Variants in GGT1 observed in about 807,000 individuals in gnomAD.
GGT1 encodes the protein gamma-glutamyltransferase 1, also known as glutathione hydrolase 1 proenzyme.
In GGT1, 21 loss-of-function variants were observed where a neutral mutation model predicts 56.0. The ratio of observed to expected loss-of-function variants is 0.38; its 90% CI spans 0.27 to 0.54. The LOEUF (loss-of-function observed/expected upper bound fraction) is 0.54. Ranked by LOEUF, GGT1 falls within the 20% of genes least tolerant of loss-of-function variation. The pLI is 0.82. For missense variants in GGT1, 466 were observed against 787.0 expected, an observed-to-expected ratio of 0.59 and a Z score of 4.88; for synonymous variants, 238 against 342.6, an observed-to-expected ratio of 0.69 and a Z score of 3.37.
At chr22:24,617,353 T>G (rs1364722533) in intron 7 of GGT1, among the ~76,000 whole-genome samples, 1 of 152,148 alleles carries the variant, frequency 6.6e-6, no homozygotes, top group Non-Finnish European at 1.5e-5. Flanking sequence ...AAGCCTCTGC[T>G]TCCTGTCTGA....
upstream of GGT1, among the ~76,000 whole-genome samples, chr22:24,600,663 C>T (rs5751902): frequency 0.3 from 45,379 of 152,194 alleles, 7,962 homozygotes; most frequent in South Asian, 0.41. Context: ...TGCTGACCTC[C>T]CTCCATCACA....
Position 24,623,240 on chromosome 22 carries a change from C to T in GGT1, c.867C>T (p.Ile289=). 6.3e-7 allele frequency: 1 copy of T among 1,581,754 alleles called. No individual in the cohort carries two copies. Among genetic ancestry groups the T allele is most frequent in the Non-Finnish European group, 8.6e-7 (1 of 1,163,640 alleles). The change falls in exon 10 of 16, where the codon ATC becomes ATT. Residue 289 remains isoleucine (I), a synonymous_variant. Transcript: ENST00000400382. ...TCAGCGGGCCCGTGCTGGCCCTCAT[C>T]CTCAACATCCTCAAAGGTGAGTGGT... ...APLSGPVLAL[I]LNILKGYNFS...
At chr22:24,598,928 T>TA (rs1156866405), upstream of GGT1, among the ~76,000 whole-genome samples, 1 of 151,842 alleles carries the variant, frequency 6.6e-6, no homozygotes, top group Non-Finnish European at 1.5e-5. Context: ...GGGCCTTTTT[T>TA]AAAAAAATTA....
chr22:24,585,539 C>A, the GGT1 span: 1 of 321,584 alleles, frequency 3.1e-6, no homozygotes, highest in Admixed American at 4.7e-5. Flanking sequence ...GACCTTTGTC[C>A]CACCCTTTTG....
At chr22:24,588,833 G>A in the GGT1 span, 6 of 1,012,748 alleles carry the variant, frequency 5.9e-6, no homozygotes, top group Non-Finnish European at 7.1e-6. Context: ...GGCTGACAGG[G>A]CTGGGGGATG....
intron 11 of GGT1, among the ~76,000 whole-genome samples, chr22:24,626,488 C>T (rs1417732068): frequency 2.0e-5 from 3 of 148,974 alleles, no homozygotes; most frequent in Non-Finnish European, 4.4e-5. Context: ...GCCCGTGAAC[C>T]CATGCTTATT....
At position 24,611,133 on chromosome 22, in the gene GGT1, G is replaced by C. The variant is rs1601683602; in HGVS notation, c.52G>C (p.Val18Leu). ...LGLLAVVLVL[V>L]IVGLCLWLPS... Reference sequence around the variant, plus strand: ...CCTGCTGGCCGTGGTCCTGGTGCTGGTCATTGTCGGCCTCTGTCTCTGGCT... The same window carrying C: ...CCTGCTGGCCGTGGTCCTGGTGCTGCTCATTGTCGGCCTCTGTCTCTGGCT... Residue 18 changes from valine (V) to leucine (L), a missense_variant, in exon 5 of 16, where the codon GTC (valine) becomes CTC (leucine). Transcript: ENST00000400382. 1 of 1,601,460 alleles carries C rather than the reference G, an allele frequency of 6.2e-7. No individual in the cohort carries two copies. Among genetic ancestry groups the C allele is most frequent in the Non-Finnish European group, 8.5e-7 (1 of 1,173,892 alleles).
chr22:24,602,177 C>T (rs995533265), upstream of GGT1, among the ~76,000 whole-genome samples: 1 of 152,198 alleles, frequency 6.6e-6, no homozygotes, highest in Non-Finnish European at 1.5e-5. Flanking sequence ...CTGGAAAAGG[C>T]TCCATTTCCT....
At chr22:24,609,827 G>A (rs1367406695) in intron 2 of GGT1, 138 bp from the exon 3 acceptor site, 1 of 374,968 alleles carries the variant, frequency 2.7e-6, no homozygotes, top group East Asian at 7.8e-5. Context: ...GTCCACAGGG[G>A]ACATACAGTG....
upstream of GGT1, chr22:24,589,951 T>A (rs2045519378): frequency 1.3e-6 from 2 of 1,588,040 alleles, no homozygotes; most frequent in Admixed American, 1.8e-5. Context: ...GCCCAGGTCC[T>A]GTGAGTGGTG....
chr22:24,621,350 ACTT>A (rs1320257205), intron 9 of GGT1, among the ~76,000 whole-genome samples: 1 of 151,994 alleles, frequency 6.6e-6, no homozygotes, highest in East Asian at 1.9e-4. Flanking sequence ...ATCCAGGAGG[ACTT>A]CTTGGAGGAG....
Position 24,614,786 on chromosome 22 carries a change from C to A in GGT1, c.175C>A (p.Arg59=). ...QCSKIGRDAL[R]DGGSAVDAAI... ...TGTGCCACATGGCAGGGATGCACTG[C>A]GGGACGGTGGCTCTGCGGTGGATGC... The change falls in exon 6 of 16, where the codon CGG becomes AGG. Residue 59 remains arginine (R), a synonymous_variant. Transcript: ENST00000400382. 1.2e-6 allele frequency: 2 copies of A among 1,613,554 alleles called. No individual in the cohort carries two copies. The highest frequency in any genetic ancestry group is 8.5e-7 in the Non-Finnish European group (1 of 1,179,756).
rs2046628573 is a variant in GGT1, at chr22:24,611,093, G to A, written c.12G>A (p.Lys4=). The A allele has an allele frequency of 6.2e-7, 1 of 1,603,590 alleles. No homozygotes were observed. Among genetic ancestry groups the A allele is most frequent in the African/African-American group, 1.3e-5 (1 of 74,656 alleles). Reference sequence around the variant, plus strand: ...GGTGCAGCAGAGCCATGAAGAAGAAGTTAGTGGTGCTGGGCCTGCTGGCCG... The same window carrying A: ...GGTGCAGCAGAGCCATGAAGAAGAAATTAGTGGTGCTGGGCCTGCTGGCCG... MKK[K]LVVLGLLAVV... Residue 4 remains lysine (K), a synonymous_variant, in exon 5 of 16, where the codon AAG becomes AAA. Coordinates refer to ENST00000400382, the MANE Select transcript of GGT1 (RefSeq NM_001288833.2).
chr22:24,626,373 ACCT>A (rs916299173), intron 11 of GGT1, among the ~76,000 whole-genome samples: 2 of 99,538 alleles, frequency 2.0e-5, no homozygotes, highest in African/African-American at 8.4e-5. Context: ...CTCCTCCTTG[ACCT>A]CCTCATCTCC....
chr22:24,592,543 C>A, upstream of GGT1: 1 of 439,546 alleles, frequency 2.3e-6, no homozygotes, highest in Non-Finnish European at 4.5e-6. Context: ...GCTCTTAGGT[C>A]CAGGCTACCG....
At chr22:24,608,574 G>A (rs569988205) in intron 2 of GGT1, among the ~76,000 whole-genome samples, 1 of 152,366 alleles carries the variant, frequency 6.6e-6, no homozygotes, top group Admixed American at 6.5e-5. Flanking sequence ...CTTGGTGCAG[G>A]GGGCTGTCAT....
chr22:24,599,851 C>A (rs868118235), upstream of GGT1, among the ~76,000 whole-genome samples: 6 of 152,312 alleles, frequency 3.9e-5, no homozygotes, highest in Non-Finnish European at 5.9e-5. Flanking sequence ...GCATGGCATG[C>A]GTGGAAAGTG....
the GGT1 span, chr22:24,589,601 G>A: frequency 1.7e-6 from 1 of 584,706 alleles, no homozygotes; most frequent in East Asian, 3.6e-5. Flanking sequence ...GTCTGCCCAG[G>A]ACTCTGAGGG....
chr22:24,618,609 AAAAC>A (rs1447577481), intron 7 of GGT1, among the ~76,000 whole-genome samples: 3 of 152,182 alleles, frequency 2.0e-5, no homozygotes, highest in Non-Finnish European at 4.4e-5. Flanking sequence ...ACAAAGAAGA[AAAAC>A]AAAACAAAAC....
Sources: allele counts gnomAD v4.1 joint callset (sites outside exome capture counted in the v4.1 genomes callset), GRCh38; gene constraint gnomAD v4.1.1; transcripts MANE v1.5; gene names NCBI Gene and HGNC (gene_info 2026-07-23, HGNC 2026-07-21).